Variants in TMPRSS15 observed in about 807,000 individuals in gnomAD.
TMPRSS15 encodes the protein transmembrane serine protease 15.
Under a neutral mutation model 125.3 loss-of-function variants are expected in TMPRSS15, and 128 were observed. The ratio of observed to expected loss-of-function variants is 1.02; its 90% CI spans 0.89 to 1.18. The LOEUF (loss-of-function observed/expected upper bound fraction) is 1.18. TMPRSS15 is among the 50% of genes most tolerant of loss of function. The probability of loss-of-function intolerance (pLI) is 0.00; values close to 1 mark genes in which losing one functional copy is unlikely to be tolerated. For missense variants in TMPRSS15, 1,283 were observed against 1,212.7 expected (o/e 1.06, Z -0.86); for synonymous variants, 446 against 423.2 (o/e 1.05, Z -0.66).
chr21:18,368,874 T>C (rs1428746933), intron 6 of TMPRSS15, among the ~76,000 whole-genome samples: 2 of 152,226 alleles, frequency 1.3e-5, no homozygotes, highest in Non-Finnish European at 2.9e-5. Flanking sequence ...CAAAATATTA[T>C]CTTCTCAAGA....
intron 13 of TMPRSS15, 128 bp from the exon 14 acceptor site, chr21:18,332,301 A>G: frequency 1.3e-6 from 1 of 798,414 alleles, no homozygotes; most frequent in South Asian, 1.4e-5. Flanking sequence ...TTTTAGAGTC[A>G]TGTTAGGGTA....
At chr21:18,364,244 G>A (rs939987630) in intron 7 of TMPRSS15, among the ~76,000 whole-genome samples, 1 of 151,960 alleles carries the variant, frequency 6.6e-6, no homozygotes, top group Non-Finnish European at 1.5e-5. Context: ...AGGTCAGACT[G>A]GTAAACCATA....
At chr21:18,421,357 T>C (rs968906642) in intron 1 of TMPRSS15, among the ~76,000 whole-genome samples, 2 of 152,186 alleles carry the variant, frequency 1.3e-5, no homozygotes, top group African/African-American at 4.8e-5. Flanking sequence ...GCTAAAACCT[T>C]GGCGTCTTGT....
chr21:18,299,505 G>C (rs1306578315), intron 18 of TMPRSS15, among the ~76,000 whole-genome samples: 1 of 152,330 alleles, frequency 6.6e-6, no homozygotes, highest in East Asian at 1.9e-4. Context: ...GTGTTTTGCT[G>C]TCTGCAGGCT....
intron 3 of TMPRSS15, among the ~76,000 whole-genome samples, chr21:18,393,675 T>A (rs1478149128): frequency 6.6e-6 from 1 of 152,150 alleles, no homozygotes; most frequent in Non-Finnish European, 1.5e-5. Flanking sequence ...CTGTCATATC[T>A]CCCCAACAAT....
At chr21:18,437,134 T>C (rs2076229705) in intron 1 of TMPRSS15, among the ~76,000 whole-genome samples, 2 of 148,852 alleles carry the variant, frequency 1.3e-5, no homozygotes, top group African/African-American at 2.5e-5. Flanking sequence ...GAGATATAGA[T>C]CAATGGAACA....
At chr21:18,329,539 AT>A (rs1054869337) in intron 14 of TMPRSS15, among the ~76,000 whole-genome samples, 9 of 151,420 alleles carry the variant, frequency 5.9e-5, no homozygotes, top group African/African-American at 1.9e-4. Flanking sequence ...TATAATTGAT[AT>A]TTTTATGAAA....
At chr21:18,451,944 CTT>C (rs1183314590) in intron 1 of TMPRSS15, among the ~76,000 whole-genome samples, 5 of 152,118 alleles carry the variant, frequency 3.3e-5, no homozygotes, top group Non-Finnish European at 7.4e-5. Flanking sequence ...CAAATGCAAA[CTT>C]ATGCATGCAT....
Position 18,328,040 on chromosome 21 carries a change from G to A in TMPRSS15, c.1780+1129C>T, listed in dbSNP as rs564049439. Among the ~76,000 whole-genome samples, 16 of 152,162 alleles carry A rather than the reference G, an allele frequency of 1.1e-4. No homozygotes were observed. In the South Asian group the frequency reaches 2.9e-3, roughly 28 times the overall value. On this transcript the variant is annotated intron_variant, in intron 15 of 24. Transcript: ENST00000284885. ...TGCACTCCAGCCTGGGTGACAGAGC[G>A]AGGCTCCATCTCAACAACAACAGCA...
Position 18,365,224 on chromosome 21 carries a change from A to G in TMPRSS15, c.689T>C (p.Leu230Ser), listed in dbSNP as rs2075715525. 1.2e-6 allele frequency: 2 copies of G among 1,614,124 alleles called. No individual in the cohort carries two copies. The highest frequency in any genetic ancestry group is 1.7e-6 in the Non-Finnish European group (2 of 1,179,984). The change falls in exon 7 of 25, where the codon TTG becomes TCG. Residue 230 changes from leucine to serine, a missense_variant. Coordinates refer to ENST00000284885, the MANE Select transcript of TMPRSS15 (RefSeq NM_002772.3). The stretch of plus-strand genomic sequence containing the variant: ...GAAAGACCCAGATGATCCAGTTAAC[A>G]AAAATCTTCCATCACAAACTGTGGC... ...MCATVCDGRF[L>S]LTGSSGSFQA... is the part of the protein sequence containing the mutation.
At chr21:18,335,350 T>TA (rs2075381749) in intron 13 of TMPRSS15, among the ~76,000 whole-genome samples, 1 of 152,222 alleles carries the variant, frequency 6.6e-6, no homozygotes, top group Non-Finnish European at 1.5e-5. Flanking sequence ...AGGAAAAATG[T>TA]AAAACCTTAT....
intron 1 of TMPRSS15, among the ~76,000 whole-genome samples, chr21:18,462,748 G>T (rs1300224163): frequency 6.6e-6 from 1 of 151,816 alleles, no homozygotes; most frequent in Non-Finnish European, 1.5e-5. Flanking sequence ...AGAAAATCAC[G>T]CATTTAAGAT....
At position 18,270,039 on chromosome 21, in the gene TMPRSS15, A is replaced by G; in HGVS notation, c.2990T>C (p.Leu997Pro). The part of the protein sequence containing the change: ...GVTSFGYKCA[L>P]PNRPGVYARV... ...GGCATACACTCCGGGGCGATTAGGC[A>G]GGGCACACTTGTATCCAAATGAGGT... The change falls in exon 25 of 25, where the codon CTG becomes CCG. Residue 997 changes from leucine (L) to proline (P), a missense_variant. Coordinates refer to ENST00000284885, the MANE Select transcript of TMPRSS15 (RefSeq NM_002772.3). 6.2e-7 allele frequency: 1 copy of G among 1,614,002 alleles called. No homozygotes were observed. The highest frequency in any genetic ancestry group is 8.5e-7 in the Non-Finnish European group (1 of 1,179,914).
intron 1 of TMPRSS15, among the ~76,000 whole-genome samples, chr21:18,425,448 AAAG>A (rs2076200672): frequency 1.3e-5 from 2 of 152,120 alleles, no homozygotes; most frequent in Non-Finnish European, 2.9e-5. Context: ...AGATTAGTGA[AAAG>A]AAGTTTCCCA....
At chr21:18,294,245 A>G (rs1443393881) in intron 21 of TMPRSS15, 25 bp downstream of exon 21, 2 of 1,613,680 alleles carry the variant, frequency 1.2e-6, no homozygotes, top group Non-Finnish European at 1.7e-6. Flanking sequence ...CTAGTTTGGG[A>G]AGGGACACTT....
At chr21:18,409,757 C>A (rs975269069) in intron 1 of TMPRSS15, among the ~76,000 whole-genome samples, 6 of 151,826 alleles carry the variant, frequency 4.0e-5, no homozygotes, top group Non-Finnish European at 7.4e-5. Flanking sequence ...GAAAATTTTT[C>A]TTTGATTGAG....
intron 18 of TMPRSS15, among the ~76,000 whole-genome samples, chr21:18,300,789 CA>C (rs1478995663): frequency 7.4e-6 from 1 of 134,280 alleles, no homozygotes; most frequent in Non-Finnish European, 1.7e-5. Flanking sequence ...ATAGGATTGA[CA>C]GTGATTTTTT....
chr21:18,373,704 A>G (rs2075814321), intron 5 of TMPRSS15, among the ~76,000 whole-genome samples: 1 of 152,214 alleles, frequency 6.6e-6, no homozygotes, highest in South Asian at 2.1e-4. Flanking sequence ...AGGAACATAT[A>G]TCACTTTGGC....
intron 16 of TMPRSS15, among the ~76,000 whole-genome samples, chr21:18,322,680 T>G (rs1204001865): frequency 6.6e-6 from 1 of 152,136 alleles, no homozygotes; most frequent in Admixed American, 6.5e-5. Context: ...ATTAATTGAT[T>G]TCATGAAGAT....
Sources: gnomAD v4.1 joint callset for allele counts (sites outside exome capture counted in the v4.1 genomes callset) on GRCh38, gnomAD v4.1.1 for gene constraint, MANE v1.5 for transcripts, NCBI Gene and HGNC (gene_info 2026-07-23, HGNC 2026-07-21) for gene names.